The following PTPN1 variants were observed in gnomAD, a reference collection of about 807,000 sequenced individuals.
PTPN1 encodes protein tyrosine phosphatase non-receptor type 1, also known as tyrosine-protein phosphatase non-receptor type 1.
A neutral mutation model predicts 59.9 loss-of-function variants in PTPN1; 12 were observed. The ratio of observed to expected loss-of-function variants is 0.20; its 90% CI spans 0.13 to 0.32. The LOEUF is 0.32. Ranked by LOEUF, PTPN1 falls within the 10% of genes least tolerant of loss-of-function variation. PTPN1 has a pLI of 1.00. For missense variants in PTPN1, 356 were observed against 549.2 expected, an observed-to-expected ratio of 0.65 and a Z score of 3.52; for synonymous variants, 178 against 203.6, an observed-to-expected ratio of 0.87 and a Z score of 1.07.
At chr20:50,569,606 CCTGTGTAGATTGT>C (rs1183441161) in intron 4 of PTPN1, among the ~76,000 whole-genome samples, 1 of 151,902 alleles carries the variant, frequency 6.6e-6, no homozygotes, top group Non-Finnish European at 1.5e-5. Context: ...TGTAAACTGT[CCTGTGTAGATTGT>C]CTGTGTAGAC....
chr20:50,548,805 C>A (rs1025688654), intron 1 of PTPN1, among the ~76,000 whole-genome samples: 4 of 152,186 alleles, frequency 2.6e-5, no homozygotes, highest in Non-Finnish European at 4.4e-5. Context: ...GCAACCTCTG[C>A]CTCCTGGGTT....
At chr20:50,575,905 T>C (rs2082834489) in intron 5 of PTPN1, among the ~76,000 whole-genome samples, 1 of 152,148 alleles carries the variant, frequency 6.6e-6, no homozygotes, top group Admixed American at 6.5e-5. Flanking sequence ...CTAGCCTGGG[T>C]GACAGAGCAA....
At chr20:50,510,850 G>A (rs902213517) in intron 1 of PTPN1, among the ~76,000 whole-genome samples, 6 of 151,904 alleles carry the variant, frequency 3.9e-5, no homozygotes, top group Admixed American at 3.9e-4. Context: ...TCAAGCCGGG[G>A]GACCGCCGGT....
chr20:50,536,015 C>G (rs569247751), intron 1 of PTPN1, among the ~76,000 whole-genome samples: 1 of 152,128 alleles, frequency 6.6e-6, no homozygotes, highest in Non-Finnish European at 1.5e-5. Flanking sequence ...ATGTGTAAGG[C>G]TTAGATGCTG....
intron 1 of PTPN1, among the ~76,000 whole-genome samples, chr20:50,547,833 G>A (rs1021209023): frequency 3.9e-5 from 6 of 152,136 alleles, no homozygotes; most frequent in Admixed American, 1.3e-4. Flanking sequence ...CTAGCTATTA[G>A]CCACACACAT....
intron 1 of PTPN1, among the ~76,000 whole-genome samples, chr20:50,522,842 C>G (rs538239825): frequency 6.6e-5 from 10 of 152,274 alleles, no homozygotes; most frequent in African/African-American, 1.9e-4. Context: ...TAACATCCGC[C>G]TCCCGAGTTC....
At chr20:50,550,695 ATTATG>A (rs1188878781) in intron 1 of PTPN1, among the ~76,000 whole-genome samples, 1 of 152,220 alleles carries the variant, frequency 6.6e-6, no homozygotes, top group Non-Finnish European at 1.5e-5. Flanking sequence ...AGTTAACAAA[ATTATG>A]TTGAGTGCCT....
intron 1 of PTPN1, among the ~76,000 whole-genome samples, chr20:50,540,334 C>T (rs1269458272): frequency 4.6e-5 from 7 of 152,188 alleles, no homozygotes; most frequent in Non-Finnish European, 1.0e-4. Flanking sequence ...GGATTACAGG[C>T]GTGAGCCACT....
rs572308077 is a variant in PTPN1 at position 50,579,172 on chromosome 20, A to G, written c.707A>G (p.Asp236Gly). 229 of 1,614,170 alleles carry G rather than the reference A, an allele frequency of 1.4e-4. No homozygotes were observed. The Middle Eastern group carries it at 1.6e-3, about 12-fold the overall frequency. ...TATCTCCTCTCTGGCTTTCAGATGG[A>G]CAAGAGGAAAGACCCTTCTTCCGTT... Reference protein sequence around the residue: ...CLADTCLLLMDKRKDPSSVDI... With the variant: ...CLADTCLLLMGKRKDPSSVDI... The change falls in exon 7 of 10, where the codon GAC (aspartate) becomes GGC (glycine). Residue 236 changes from aspartate (D) to glycine (G), a missense_variant. Transcript: ENST00000371621.
intron 1 of PTPN1, among the ~76,000 whole-genome samples, chr20:50,547,117 T>C (rs2082679085): frequency 6.6e-6 from 1 of 152,256 alleles, no homozygotes; most frequent in South Asian, 2.1e-4. Context: ...CCTATTGATT[T>C]CTACCCAAGG....
intron 5 of PTPN1, among the ~76,000 whole-genome samples, chr20:50,576,904 C>T (rs2082839730): frequency 6.6e-6 from 1 of 152,014 alleles, no homozygotes. Context: ...TTTAAAAATA[C>T]ATTTTAAGTC....
intron 1 of PTPN1, among the ~76,000 whole-genome samples, chr20:50,535,894 A>C (rs1601394734): frequency 6.6e-6 from 1 of 152,108 alleles, no homozygotes; most frequent in Non-Finnish European, 1.5e-5. Flanking sequence ...AATAGAGAGA[A>C]AGAAATTCCT....
intron 4 of PTPN1, among the ~76,000 whole-genome samples, chr20:50,570,451 C>T (rs903926768): frequency 1.3e-5 from 2 of 152,110 alleles, no homozygotes; most frequent in African/African-American, 2.4e-5. Flanking sequence ...TAGAAAAAAA[C>T]TTTTTCAGTG....
intron 4 of PTPN1, among the ~76,000 whole-genome samples, chr20:50,569,726 G>A (rs2082798290): frequency 1.3e-5 from 2 of 152,058 alleles, no homozygotes; most frequent in South Asian, 2.1e-4. Context: ...TCTGTAGACC[G>A]TCGTGTATAG....
chr20:50,525,319 C>G (rs1309909706), intron 1 of PTPN1, among the ~76,000 whole-genome samples: 1 of 152,212 alleles, frequency 6.6e-6, no homozygotes, highest in Non-Finnish European at 1.5e-5. Flanking sequence ...CCTCGGCCTC[C>G]CAAAGTGCTG....
chr20:50,554,445 A>T (rs2082717426), intron 1 of PTPN1, among the ~76,000 whole-genome samples: 1 of 151,058 alleles, frequency 6.6e-6, no homozygotes, highest in African/African-American at 2.4e-5. Context: ...TGGGGAAAAA[A>T]TAAAGGCAGA....
At chr20:50,557,697 C>G (rs2082731833) in intron 1 of PTPN1, 1 of 152,146 alleles carries the variant, frequency 6.6e-6, no homozygotes. Flanking sequence ...TGGGGTCTTA[C>G]TATATTGCCC....
At chr20:50,550,987 G>A (rs2082699870) in intron 1 of PTPN1, among the ~76,000 whole-genome samples, 1 of 152,246 alleles carries the variant, frequency 6.6e-6, no homozygotes, top group African/African-American at 2.4e-5. Context: ...TGGCTTTTAT[G>A]CCTGTGTGTT....
chr20:50,510,972 C>A (rs770713100), intron 1 of PTPN1, among the ~76,000 whole-genome samples: 2 of 152,094 alleles, frequency 1.3e-5, no homozygotes, highest in African/African-American at 4.8e-5. Flanking sequence ...GAGTGGACCA[C>A]CTCAGACTCT....
Sources: gnomAD v4.1 joint callset for allele counts (sites outside exome capture counted in the v4.1 genomes callset) on GRCh38, gnomAD v4.1.1 for gene constraint, MANE v1.5 for transcripts, NCBI Gene and HGNC (gene_info 2026-07-23, HGNC 2026-07-21) for gene names.